Variants in OSR1 observed in about 807,000 individuals in gnomAD.
OSR1 encodes odd-skipped related transcription factor 1, also known as protein odd-skipped-related 1.
OSR1 carries 3 observed loss-of-function variants against 15.7 expected under a neutral mutation model. The ratio of observed to expected loss-of-function variants is 0.19; its 90% CI spans 0.09 to 0.50. The LOEUF (loss-of-function observed/expected upper bound fraction) is 0.50. Ranked by LOEUF, OSR1 falls within the 20% of genes least tolerant of loss-of-function variation. OSR1 has a pLI of 0.97. For missense variants in OSR1, 271 were observed against 351.1 expected, an observed-to-expected ratio of 0.77 and a Z score of 1.82; for synonymous variants, 166 against 152.7, an observed-to-expected ratio of 1.09 and a Z score of -0.64.
chr2:19,353,919 G>A (rs553707403), intron 1 of OSR1, 82 bp from the exon 2 acceptor site: 6 of 1,155,264 alleles, frequency 5.2e-6, no homozygotes, highest in East Asian at 2.6e-5. Context: ...AATTCCAGCC[G>A]AGCCACACCC....
chr2:19,347,990 C>T (rs1438147599), downstream of OSR1, among the ~76,000 whole-genome samples: 1 of 152,264 alleles, frequency 6.6e-6, no homozygotes, highest in Non-Finnish European at 1.5e-5. Context: ...CCACGCACCG[C>T]CGTCAGCTTC....
Position 19,351,989 on chromosome 2 carries a change from C to A in OSR1, c.*286G>T, listed in dbSNP as rs907371327. 5.5e-5 allele frequency: 18 copies of A among 329,682 alleles called. No individual in the cohort carries two copies. The Admixed American group carries it at 7.0e-4, about 13-fold the overall frequency. 20.4% of individuals were successfully genotyped at this position (329,682 alleles called of 1,614,324 possible). A position where few individuals can be genotyped will look rare whatever the true frequency, so the allele number is the denominator to read the frequency against. Reference sequence around the variant, plus strand: ...TCTGGGAGAGGCGCCGCTGCGGCTCCGCGGAGCTTTCGTTCTTTTTTTAAT... The same window carrying A: ...TCTGGGAGAGGCGCCGCTGCGGCTCAGCGGAGCTTTCGTTCTTTTTTTAAT... On this transcript the variant is annotated 3_prime_UTR_variant, in exon 3 of 3. Transcript: ENST00000272223.
At chr2:19,348,178 C>T (rs952726220), downstream of OSR1, among the ~76,000 whole-genome samples, 5 of 152,134 alleles carry the variant, frequency 3.3e-5, no homozygotes, top group Admixed American at 2.6e-4. Flanking sequence ...AGGGAGACCA[C>T]TCTAAACCAC....
chr2:19,349,214 G>A (rs1664791283), downstream of OSR1, among the ~76,000 whole-genome samples: 1 of 152,212 alleles, frequency 6.6e-6, no homozygotes, highest in South Asian at 2.1e-4. Context: ...TGGGGCACTA[G>A]TTTCCAACCA....
intron 2 of OSR1, 68 bp from the exon 3 acceptor site, chr2:19,352,478 C>G: frequency 6.4e-7 from 1 of 1,573,204 alleles, no homozygotes; most frequent in Non-Finnish European, 8.7e-7. Context: ...GCCCAAGATC[C>G]CCTCCCACTG....
chr2:19,349,146 T>C (rs56681053), downstream of OSR1, among the ~76,000 whole-genome samples: 21,347 of 152,238 alleles, frequency 0.14, 2,196 homozygotes, highest in East Asian at 0.47. Context: ...CCACCCAACA[T>C]TTCTGACCCT....
intron 1 of OSR1, chr2:19,354,061 C>A: frequency 2.1e-6 from 1 of 486,650 alleles, no homozygotes; most frequent in Non-Finnish European, 3.7e-6. Context: ...CTAAGGGCTC[C>A]CTCCAAATGG....
chr2:19,349,185 C>G (rs924312986), downstream of OSR1, among the ~76,000 whole-genome samples: 3 of 152,222 alleles, frequency 2.0e-5, no homozygotes, highest in Non-Finnish European at 4.4e-5. Context: ...GCAACCCACA[C>G]TGAGTATGAG....
rs1322773864 is a variant in OSR1 at position 19,357,632 on chromosome 2, T to C, written c.-33+709A>G. On this transcript the variant is annotated intron_variant, in intron 1 of 2. Coordinates refer to ENST00000272223, the MANE Select transcript of OSR1 (RefSeq NM_145260.3). The surrounding 1 kb of genome is among the most constrained non-coding windows in gnomAD (Gnocchi z 5.0). ...AGTTTCCACTAGTGCTGTGTGTGGG[T>C]CTCGAATTGGAAAGCAGTGCTTGCG... 4 of 152,110 alleles carry C rather than the reference T, an allele frequency of 2.6e-5. No individual in the cohort carries two copies. The highest frequency in any genetic ancestry group is 9.7e-5 in the African/African-American group (4 of 41,388). The allele number at this position is 152,110 out of a possible 1,614,324, so 9.4% of individuals were successfully genotyped here.
intron 1 of OSR1, chr2:19,358,051 G>A (rs954445444): frequency 6.6e-6 from 1 of 152,274 alleles, no homozygotes; most frequent in Admixed American, 6.5e-5. Flanking sequence ...CAAAGTCCGT[G>A]GGCACCTCGC....
chr2:19,357,406 C>T lies in OSR1; in HGVS notation c.-33+935G>A, dbSNP rs1203374278. Among the ~76,000 whole-genome samples the T allele has an allele frequency of 3.3e-5, 5 of 152,222 alleles. No homozygotes were observed. The highest frequency in any genetic ancestry group is 1.2e-4 in the African/African-American group (5 of 41,462). ...CTACTTTACACATTGAGAACCCAAC[C>T]CGCTACTGCCTGAGCTGCTGAAAAA... is the stretch of plus-strand genomic sequence containing the variant. On this transcript the variant is annotated intron_variant, in intron 1 of 2. Coordinates refer to ENST00000272223, the MANE Select transcript of OSR1 (RefSeq NM_145260.3). This position sits in a 1 kb window ranked among gnomAD's most constrained non-coding sequence, Gnocchi z 5.0.
At chr2:19,349,108 G>A (rs905302701), downstream of OSR1, among the ~76,000 whole-genome samples, 6 of 152,204 alleles carry the variant, frequency 3.9e-5, no homozygotes, top group Non-Finnish European at 7.3e-5. Context: ...AGATGCATTG[G>A]GGGAAAAATT....
downstream of OSR1, among the ~76,000 whole-genome samples, chr2:19,350,282 A>G (rs952999798): frequency 2.6e-5 from 4 of 152,090 alleles, no homozygotes; most frequent in East Asian, 3.9e-4. Flanking sequence ...AGGGCTGGCC[A>G]GCAGGGGGCA....
intron 1 of OSR1, chr2:19,354,389 T>TCACACACACACACACA (rs5829692): frequency 4.1e-5 from 6 of 146,386 alleles, no homozygotes; most frequent in African/African-American, 1.5e-4. Flanking sequence ...CCCCTGAATC[T>TCACACACACACACACA]CACACACACA....
In OSR1 at chr2:19,352,424, CAG is replaced by C. The variant is rs1431187469; in HGVS notation, c.666-16_666-15del. The C allele has an allele frequency of 2.5e-6, 4 of 1,613,620 alleles. No homozygotes were observed. The South Asian group carries it at 3.3e-5, about 13-fold the overall frequency. ...GAGTGAATATATCTGAGGGCAGAAA[CAG>C]AGAGTTCATCCTTGCAAAATGATGC... On this transcript the variant is annotated splice_polypyrimidine_tract_variant and intron_variant, in intron 2 of 2. Transcript: ENST00000272223.
rs1316177429 is a variant in OSR1 at position 19,357,884 on chromosome 2, G to C, written c.-33+457C>G. On this transcript the variant is annotated intron_variant, in intron 1 of 2. Coordinates refer to ENST00000272223, the MANE Select transcript of OSR1 (RefSeq NM_145260.3). The surrounding 1 kb of genome is among the most constrained non-coding windows in gnomAD (Gnocchi z 5.0). The stretch of plus-strand genomic sequence containing the variant: ...CGCTACCGAGCTGGGGCATGCACCT[G>C]TCCCTGGCGCGGTCGGCTGCGGCTG... The C allele has an allele frequency of 6.6e-6, 1 of 152,364 alleles. No homozygotes were observed. The highest frequency in any genetic ancestry group is 1.5e-5 in the Non-Finnish European group (1 of 68,126). The allele number at this position is 152,364 out of a possible 1,614,324, so 9.4% of individuals were successfully genotyped here. A position where few individuals can be genotyped will look rare whatever the true frequency, so the allele number is the denominator to read the frequency against.
downstream of OSR1, among the ~76,000 whole-genome samples, chr2:19,351,043 C>T (rs998476117): frequency 6.6e-6 from 1 of 152,100 alleles, no homozygotes; most frequent in Non-Finnish European, 1.5e-5. Flanking sequence ...GCGGGTCCTT[C>T]CCACCCCAAA....
downstream of OSR1, among the ~76,000 whole-genome samples, chr2:19,348,054 G>A (rs75572126): frequency 6.6e-6 from 1 of 152,234 alleles, no homozygotes; most frequent in African/African-American, 2.4e-5. Flanking sequence ...GCCTGCGCGT[G>A]GCGCTTGCGC....
In OSR1 at chr2:19,353,397, C is replaced by G. The variant is rs767477557; in HGVS notation, c.409G>C (p.Gly137Arg). Residue 137 changes from glycine (G) to arginine (R), a missense_variant, in exon 2 of 3, where the codon GGG (glycine) becomes CGG (arginine). By Grantham distance (125) the Gly-to-Arg change is moderately radical. Coordinates refer to ENST00000272223, the MANE Select transcript of OSR1 (RefSeq NM_145260.3). Reference protein sequence around the residue: ...TQEDPAKLGRGEGPGSPAGGL... With the variant: ...TQEDPAKLGRREGPGSPAGGL... ...CCTGCAGGGGAGCCTGGGCCCTCCCCGCGACCGAGCTTGGCCGGATCTTCT... is the reference window on the plus strand; with the variant it reads ...CCTGCAGGGGAGCCTGGGCCCTCCCGGCGACCGAGCTTGGCCGGATCTTCT... The G allele has an allele frequency of 1.2e-6, 2 of 1,614,106 alleles. No individual in the cohort carries two copies. Among genetic ancestry groups the G allele is most frequent in the East Asian group, 2.2e-5 (1 of 44,864 alleles).
Sources: allele counts gnomAD v4.1 joint callset (sites outside exome capture counted in the v4.1 genomes callset), GRCh38; gene constraint gnomAD v4.1.1; non-coding constraint Gnocchi (gnomAD v3.1); transcripts MANE v1.5; gene names NCBI Gene and HGNC (gene_info 2026-07-23, HGNC 2026-07-21).